Variants in SLC8A1 observed in about 807,000 individuals in gnomAD.
SLC8A1 encodes the protein sodium/calcium exchanger 1.
In SLC8A1, 18 loss-of-function variants were observed where a neutral mutation model predicts 68.3. The ratio of observed to expected loss-of-function variants is 0.26; its 90% CI spans 0.18 to 0.39. The LOEUF is 0.39. Among genes scored for constraint, SLC8A1 ranks in the 10% least tolerant of loss-of-function variants. The pLI is 1.00. For missense variants in SLC8A1, 985 were observed against 1,156.7 expected, an observed-to-expected ratio of 0.85 and a Z score of 2.15; for synonymous variants, 475 against 415.5, an observed-to-expected ratio of 1.14 and a Z score of -1.74.
chr2:40,177,899 C>T (rs1227226710), intron 2 of SLC8A1: 1 of 1,256,022 alleles, frequency 8.0e-7, no homozygotes, highest in Non-Finnish European at 1.1e-6. Context: ...GTTGGAGTCA[C>T]ACGCTCATGC....
chr2:40,447,439 A>G lies in SLC8A1; in HGVS notation c.-25+4465T>C, dbSNP rs1173727553. Among the ~76,000 whole-genome samples the G allele has an allele frequency of 2.6e-5, 4 of 152,136 alleles. No homozygotes were observed. The East Asian group carries it at 5.8e-4, about 22-fold the overall frequency. ...AACAGCCCCATTCCTGGGCACTCAC[A>G]TCGCCCCAAACTTCCCCACCAAAAT... On this transcript the variant is annotated intron_variant, in intron 1 of 7. Transcript: ENST00000406785.
chr2:40,496,827 A>G (rs1490112814), intron 1 of SLC8A1, among the ~76,000 whole-genome samples: 2 of 151,256 alleles, frequency 1.3e-5, no homozygotes, highest in African/African-American at 2.4e-5. Flanking sequence ...CGCAAGAACA[A>G]AAAACCAAAC....
At chr2:40,377,601 C>A (rs943045043) in intron 2 of SLC8A1, among the ~76,000 whole-genome samples, 10 of 152,260 alleles carry the variant, frequency 6.6e-5, no homozygotes, top group African/African-American at 2.4e-4. Flanking sequence ...CACACACATG[C>A]ACCACCTGTT....
At chr2:40,501,554 T>A (rs1706059927) in intron 1 of SLC8A1, among the ~76,000 whole-genome samples, 1 of 152,134 alleles carries the variant, frequency 6.6e-6, no homozygotes, top group Non-Finnish European at 1.5e-5. Context: ...TACCTTTCTT[T>A]GGGAAATGTA....
At chr2:40,337,164 C>T (rs975891941) in intron 2 of SLC8A1, among the ~76,000 whole-genome samples, 3 of 152,090 alleles carry the variant, frequency 2.0e-5, no homozygotes, top group African/African-American at 7.2e-5. Flanking sequence ...GTTTACAGTG[C>T]TGTGTAAGTT....
chr2:40,212,327 C>G (rs1164576055), intron 2 of SLC8A1, among the ~76,000 whole-genome samples: 6 of 137,658 alleles, frequency 4.4e-5, no homozygotes, highest in African/African-American at 1.6e-4. Flanking sequence ...GCTTTGTCGA[C>G]AGGCTGGAAT....
exon 8 of SLC8A1, chr2:40,099,542 C>T (rs2033773783): frequency 6.6e-6 from 1 of 152,024 alleles, no homozygotes; most frequent in African/African-American, 2.4e-5. Context: ...TTTTGCCTCC[C>T]TTCTACCTGC....
intron 2 of SLC8A1, among the ~76,000 whole-genome samples, chr2:40,252,676 C>T (rs186277364): frequency 6.6e-6 from 1 of 151,424 alleles, no homozygotes; most frequent in Admixed American, 6.6e-5. Context: ...CTCTCCAGAC[C>T]TGTCATCATA....
intron 2 of SLC8A1, among the ~76,000 whole-genome samples, chr2:40,326,811 A>T (rs189923548): frequency 6.6e-6 from 1 of 152,160 alleles, no homozygotes; most frequent in Non-Finnish European, 1.5e-5. Flanking sequence ...CTCTTAATCT[A>T]ATCTGTTTGA....
chr2:40,319,204 G>A (rs2074880538), intron 2 of SLC8A1, among the ~76,000 whole-genome samples: 1 of 152,074 alleles, frequency 6.6e-6, no homozygotes, highest in Admixed American at 6.6e-5. Flanking sequence ...TGATCACAAT[G>A]AGAATTTCCA....
At position 40,416,472 on chromosome 2, in the gene SLC8A1, A is replaced by C. The variant is rs76386118; in HGVS notation, c.1808+12001T>G. Among the ~76,000 whole-genome samples, 998 of 152,304 alleles carry C rather than the reference A, an allele frequency of 6.6e-3. 13 individuals carry two copies. The highest frequency in any genetic ancestry group is 0.023 in the African/African-American group (947 of 41,578). ...ATAGACTAATTTAGAAAACAAAAAA[A>C]TATCATTTCCTCACACTTTACTCTA... On this transcript the variant is annotated intron_variant, in intron 2 of 7. Transcript: ENST00000406785.
intron 2 of SLC8A1, among the ~76,000 whole-genome samples, chr2:40,341,268 A>G (rs1667607282): frequency 6.6e-6 from 1 of 152,214 alleles, no homozygotes; most frequent in African/African-American, 2.4e-5. Context: ...AGCACTAATG[A>G]GTATTTTCAA....
At chr2:40,403,233 T>A (rs1161142119) in intron 2 of SLC8A1, among the ~76,000 whole-genome samples, 3 of 152,156 alleles carry the variant, frequency 2.0e-5, no homozygotes, top group African/African-American at 7.2e-5. Flanking sequence ...TTCACCTTAT[T>A]CAAAAGCAAA....
chr2:40,243,835 G>C (rs1277440650), intron 2 of SLC8A1, among the ~76,000 whole-genome samples: 3 of 152,176 alleles, frequency 2.0e-5, no homozygotes, highest in Non-Finnish European at 4.4e-5. Context: ...AATTCCATGT[G>C]AATGCTCTAG....
At chr2:40,448,099 CT>C (rs1186077436) in intron 1 of SLC8A1, among the ~76,000 whole-genome samples, 1 of 152,204 alleles carries the variant, frequency 6.6e-6, no homozygotes, top group Non-Finnish European at 1.5e-5. Flanking sequence ...CTACGAGCAA[CT>C]GTCTTATAAG....
chr2:40,317,135 C>T (rs550433897), intron 2 of SLC8A1, among the ~76,000 whole-genome samples: 6 of 152,080 alleles, frequency 3.9e-5, no homozygotes, highest in Admixed American at 3.3e-4. Context: ...CTGAATAGTT[C>T]GGCTTCTTTG....
intron 2 of SLC8A1, among the ~76,000 whole-genome samples, chr2:40,366,737 C>T (rs1443069718): frequency 1.3e-5 from 2 of 151,304 alleles, no homozygotes; most frequent in African/African-American, 4.8e-5. Flanking sequence ...GAGATATGAT[C>T]TCCCTACAAT....
At chr2:40,417,624 T>G (rs1191831147) in intron 2 of SLC8A1, among the ~76,000 whole-genome samples, 3 of 152,126 alleles carry the variant, frequency 2.0e-5, no homozygotes, top group African/African-American at 7.2e-5. Flanking sequence ...TCTTCCCACC[T>G]CAGCCTCCTT....
At chr2:40,253,448 A>C (rs2063329394) in intron 2 of SLC8A1, among the ~76,000 whole-genome samples, 1 of 152,066 alleles carries the variant, frequency 6.6e-6, no homozygotes, top group African/African-American at 2.4e-5. Context: ...AGCAAGGCAC[A>C]GAAAGACAAG....
Sources: allele counts gnomAD v4.1 joint callset (sites outside exome capture counted in the v4.1 genomes callset), GRCh38; gene constraint gnomAD v4.1.1; transcripts MANE v1.5; gene names NCBI Gene and HGNC (gene_info 2026-07-23, HGNC 2026-07-21).